FAM135B: variants seen among roughly 807,000 people sequenced by gnomAD.
FAM135B encodes family with sequence similarity 135 member B.
Under a neutral mutation model 127.7 loss-of-function variants are expected in FAM135B, and 43 were observed. That is an observed-to-expected ratio of 0.34 (90% CI 0.26 to 0.43). The LOEUF is 0.43. FAM135B is among the 20% of genes least tolerant of loss of function. FAM135B has a pLI of 1.00. For missense variants in FAM135B, 1,558 were observed against 1,725.6 expected (o/e 0.90, Z 1.72); for synonymous variants, 670 against 665.1 (o/e 1.01, Z -0.11).
Position 138,178,626 on chromosome 8 carries a change from T to C in FAM135B, c.938A>G (p.His313Arg). The change falls in exon 10 of 20, where the codon CAC (histidine) becomes CGC (arginine). Residue 313 changes from histidine to arginine, a missense_variant. Coordinates refer to ENST00000395297, the MANE Select transcript of FAM135B (RefSeq NM_015912.4). ...ISKDLAWLTSHMMTLWTQFLD... is the reference protein window; with the variant it reads ...ISKDLAWLTSRMMTLWTQFLD... Reference sequence around the variant, plus strand: ...GAACTGGGTCCACAGAGTCATCATGTGGGACGTGAGCCAGGCCAGATCCTT... The same window carrying C: ...GAACTGGGTCCACAGAGTCATCATGCGGGACGTGAGCCAGGCCAGATCCTT... The C allele has an allele frequency of 6.2e-7, 1 of 1,614,090 alleles. No homozygotes were observed. The highest frequency in any genetic ancestry group is 8.5e-7 in the Non-Finnish European group (1 of 1,180,018).
chr8:138,363,331 CCCA>C (rs1036087118), intron 2 of FAM135B, among the ~76,000 whole-genome samples: 12 of 152,208 alleles, frequency 7.9e-5, no homozygotes, highest in Non-Finnish European at 1.5e-4. Context: ...TTCAGATTGC[CCCA>C]CAAGACAGAC....
chr8:138,387,863 AC>A (rs1291048928), intron 1 of FAM135B, among the ~76,000 whole-genome samples: 1 of 152,060 alleles, frequency 6.6e-6, no homozygotes, highest in African/African-American at 2.4e-5. Context: ...TCCATCCTCT[AC>A]CCAGAAGCTA....
At chr8:138,185,290 T>C (rs1255157948) in intron 9 of FAM135B, among the ~76,000 whole-genome samples, 2 of 152,278 alleles carry the variant, frequency 1.3e-5, no homozygotes, top group Non-Finnish European at 2.9e-5. Flanking sequence ...AGGAATGGCT[T>C]TCCTTCACTC....
intron 13 of FAM135B, among the ~76,000 whole-genome samples, chr8:138,150,837 A>G (rs1173550858): frequency 1.3e-5 from 2 of 152,144 alleles, no homozygotes; most frequent in Non-Finnish European, 1.5e-5. Context: ...GATATTTCTA[A>G]TATATTATTA....
rs2130601378 is a variant in FAM135B at position 138,141,395 on chromosome 8, T to C, written c.3639-46A>G. On this transcript the variant is annotated intron_variant, in intron 16 of 19. Coordinates refer to ENST00000395297, the MANE Select transcript of FAM135B (RefSeq NM_015912.4). The surrounding 1 kb of genome is among the most constrained non-coding windows in gnomAD (Gnocchi z 4.7). ...TACCCATGAGTGTGACGGTGAATGC[T>C]GCTGCCCAAGAGTGCAGTGCTGGAA... 1 of 1,603,404 alleles carries C rather than the reference T, an allele frequency of 6.2e-7. No individual in the cohort carries two copies. The highest frequency in any genetic ancestry group is 8.5e-7 in the Non-Finnish European group (1 of 1,171,476).
intron 1 of FAM135B, chr8:138,436,817 C>A (rs1835481408): frequency 6.6e-6 from 1 of 152,156 alleles, no homozygotes; most frequent in African/African-American, 2.4e-5. Context: ...GTCTTAATTT[C>A]TTGTTCTGTA....
At chr8:138,420,767 A>G (rs192831501) in intron 1 of FAM135B, among the ~76,000 whole-genome samples, 2 of 152,360 alleles carry the variant, frequency 1.3e-5, no homozygotes, top group Non-Finnish European at 1.5e-5. Context: ...ATAGGCACAG[A>G]AAAGGCTTTC....
At chr8:138,493,539 T>C (rs1420318952) in intron 1 of FAM135B, among the ~76,000 whole-genome samples, 2 of 152,222 alleles carry the variant, frequency 1.3e-5, no homozygotes, top group African/African-American at 2.4e-5. Flanking sequence ...CATTTGCCTA[T>C]CTATCTTGAA....
intron 2 of FAM135B, among the ~76,000 whole-genome samples, chr8:138,333,953 C>T (rs575491402): frequency 8.5e-5 from 13 of 152,256 alleles, no homozygotes; most frequent in African/African-American, 2.9e-4. Context: ...GGAGGAGTCT[C>T]GCTCTGTCTC....
In FAM135B at chr8:138,152,029, A is replaced by G. The variant is rs2130753131; in HGVS notation, c.2446T>C (p.Cys816Arg). The change falls in exon 13 of 20, where the codon TGT becomes CGT. Residue 816 changes from cysteine (C) to arginine (R), a missense_variant. Cys to Arg is a radical substitution (Grantham distance 180). Coordinates refer to ENST00000395297, the MANE Select transcript of FAM135B (RefSeq NM_015912.4). ...QGSPGSCSQL[C>R]GDSGTDAGAD... is the part of the protein sequence containing the mutation. The stretch of plus-strand genomic sequence containing the variant: ...CCAGCATCTGTTCCAGAGTCACCAC[A>G]AAGTTGAGAGCAAGATCCTGGGGAA... 1.9e-6 allele frequency: 3 copies of G among 1,614,064 alleles called. No homozygotes were observed. The highest frequency in any genetic ancestry group is 1.3e-5 in the African/African-American group (1 of 75,016).
chr8:138,370,444 T>TTTTG (rs540650928), intron 1 of FAM135B, among the ~76,000 whole-genome samples: 149 of 151,964 alleles, frequency 9.8e-4, no homozygotes, highest in African/African-American at 3.3e-3. Flanking sequence ...TAATTTTGGT[T>TTTTG]TTTGTTTGTT....
intron 12 of FAM135B, among the ~76,000 whole-genome samples, chr8:138,159,047 T>G (rs201120052): frequency 1.4e-5 from 2 of 147,770 alleles, no homozygotes; most frequent in African/African-American, 2.5e-5. Context: ...CCGAGGCGGG[T>G]GGATCATGAG....
At chr8:138,494,849 A>AAAAAC (rs373037651) in intron 1 of FAM135B, among the ~76,000 whole-genome samples, 6,767 of 150,000 alleles carry the variant, frequency 0.045, 221 homozygotes, top group South Asian at 0.15. Context: ...AAAAAAAAAA[A>AAAAAC]AAACTTAATC....
intron 17 of FAM135B, among the ~76,000 whole-genome samples, chr8:138,140,499 A>G (rs934074656): frequency 1.3e-5 from 2 of 152,208 alleles, no homozygotes; most frequent in African/African-American, 4.8e-5. Flanking sequence ...TCTCATGAGT[A>G]GTATCTACAA....
intron 2 of FAM135B, among the ~76,000 whole-genome samples, chr8:138,317,889 C>T (rs1013125680): frequency 1.3e-5 from 2 of 152,196 alleles, no homozygotes; most frequent in Admixed American, 6.5e-5. Flanking sequence ...CAGCAGTGGC[C>T]GCCTTGGCCA....
intron 1 of FAM135B, among the ~76,000 whole-genome samples, chr8:138,466,742 G>A (rs1398499107): frequency 2.6e-5 from 4 of 152,168 alleles, no homozygotes; most frequent in Non-Finnish European, 4.4e-5. Context: ...ACTGTATGGA[G>A]GGCTGGGATG....
At chr8:138,232,283 A>C (rs1819962094) in intron 7 of FAM135B, among the ~76,000 whole-genome samples, 1 of 152,238 alleles carries the variant, frequency 6.6e-6, no homozygotes, top group South Asian at 2.1e-4. Context: ...AAGGAATTCC[A>C]GTGCCTCATT....
At chr8:138,434,941 C>A (rs920054856) in intron 1 of FAM135B, among the ~76,000 whole-genome samples, 3 of 152,186 alleles carry the variant, frequency 2.0e-5, no homozygotes, top group Non-Finnish European at 4.4e-5. Context: ...CTACTGAATA[C>A]AAGTTTCCTC....
At chr8:138,430,017 T>C (rs1835107871) in intron 1 of FAM135B, among the ~76,000 whole-genome samples, 1 of 152,320 alleles carries the variant, frequency 6.6e-6, no homozygotes, top group South Asian at 2.1e-4. Flanking sequence ...GTTTCTTTAA[T>C]AGCATGCCAG....
Sources: gnomAD v4.1 joint callset for allele counts (sites outside exome capture counted in the v4.1 genomes callset) on GRCh38, gnomAD v4.1.1 for gene constraint, Gnocchi (gnomAD v3.1) non-coding constraint, MANE v1.5 for transcripts, NCBI Gene and HGNC (gene_info 2026-07-23, HGNC 2026-07-21) for gene names.